Variants in CDA observed in about 807,000 individuals in gnomAD.
CDA encodes cytidine deaminase.
In CDA, 7 loss-of-function variants were observed where a neutral mutation model predicts 15.0. That is an observed-to-expected ratio of 0.47 (90% CI 0.26 to 0.87). CDA has a LOEUF of 0.87. Ranked by LOEUF, CDA falls within the 40% of genes least tolerant of loss-of-function variation. The pLI, the probability that CDA is intolerant of heterozygous loss-of-function variation, is 0.15. For synonymous variants in CDA, 58 were observed against 73.0 expected (o/e 0.79, Z 1.05); for missense variants, 159 against 182.7 (o/e 0.87, Z 0.75).
In CDA at chr1:20,599,617, CAAAATAAAAT is replaced by C. The variant is rs57315099; in HGVS notation, c.155-5286_155-5277del. Reference sequence around the variant, plus strand: ...GGGCGACAGAGCAAGACTCCGTCTCCAAAATAAAATAAAATAAAATAAAATAAAATAAAAC... The same window carrying C: ...GGGCGACAGAGCAAGACTCCGTCTCCAAAATAAAATAAAATAAAATAAAAC... On this transcript the variant is annotated intron_variant, in intron 1 of 3. Transcript: ENST00000375071. Among the ~76,000 whole-genome samples the C allele has an allele frequency of 8.3e-5, 9 of 108,034 alleles. 1 individual carries two copies. The highest frequency in any genetic ancestry group is 5.7e-4 in the South Asian group (2 of 3,480). The allele number at this position is 108,034 out of a possible 152,430, so 70.9% of individuals were successfully genotyped here.
chr1:20,599,657 T>TAAAATAAAATAAAATAAAATAAAAC (rs1557547148), intron 1 of CDA, among the ~76,000 whole-genome samples: 3 of 147,988 alleles, frequency 2.0e-5, no homozygotes, highest in Admixed American at 1.3e-4. Context: ...TAAAACAAAA[T>TAAAATAAAATAAAATAAAATAAAAC]AAAATAAAAT....
chr1:20,589,858 G>A (rs770228333), intron 1 of CDA, among the ~76,000 whole-genome samples: 10 of 152,186 alleles, frequency 6.6e-5, no homozygotes, highest in African/African-American at 1.9e-4. Flanking sequence ...GGGGGTGGTC[G>A]GTGGAGAATC....
intron 1 of CDA, among the ~76,000 whole-genome samples, chr1:20,593,640 G>A (rs1048193688): frequency 5.3e-5 from 8 of 152,200 alleles, no homozygotes; most frequent in Admixed American, 5.2e-4. Flanking sequence ...AGTGGCGCGA[G>A]CCTAGTTCAC....
chr1:20,590,800 A>G (rs2052540796), intron 1 of CDA, among the ~76,000 whole-genome samples: 1 of 152,158 alleles, frequency 6.6e-6, no homozygotes, highest in African/African-American at 2.4e-5. Context: ...TGGATGAATG[A>G]ATGAGATGAG....
At chr1:20,614,542 A>G (rs2052785013) in intron 3 of CDA, among the ~76,000 whole-genome samples, 1 of 152,262 alleles carries the variant, frequency 6.6e-6, no homozygotes, top group Non-Finnish European at 1.5e-5. Context: ...GGTCCTTGAC[A>G]GAAAAAGGTT....
At chr1:20,606,244 A>G (rs1240623262) in intron 2 of CDA, among the ~76,000 whole-genome samples, 1 of 147,740 alleles carries the variant, frequency 6.8e-6, no homozygotes, top group Non-Finnish European at 1.5e-5. Flanking sequence ...CTGAGGCAGG[A>G]ACATGGCGTG....
At chr1:20,608,324 C>T (rs2052713098) in intron 2 of CDA, among the ~76,000 whole-genome samples, 1 of 150,382 alleles carries the variant, frequency 6.6e-6, no homozygotes, top group Non-Finnish European at 1.5e-5. Flanking sequence ...TGGTCTGTTA[C>T]AGGGTCTTAA....
Position 20,589,113 on chromosome 1 carries a change from C to T in CDA, c.-17C>T. ...CTCCTGTTTCCCGCTGCTCTGCTGC[C>T]TGCCCGGGGTACCAACATGGCCCAG... On this transcript the variant is annotated 5_prime_UTR_variant, in exon 1 of 4. Transcript: ENST00000375071. The T allele has an allele frequency of 6.2e-7, 1 of 1,613,974 alleles. No individual in the cohort carries two copies. The highest frequency in any genetic ancestry group is 8.5e-7 in the Non-Finnish European group (1 of 1,180,006).
At chr1:20,613,762 G>C (rs1570387154) in intron 2 of CDA, 80 bp from the exon 3 acceptor site, 1 of 1,332,162 alleles carries the variant, frequency 7.5e-7, no homozygotes, top group Non-Finnish European at 1.1e-6. Flanking sequence ...GGAACAGACC[G>C]AGTCTCAGGG....
In CDA at chr1:20,612,996, G is replaced by A. The variant is rs559452566; in HGVS notation, c.267-846G>A. On this transcript the variant is annotated intron_variant, in intron 2 of 3. Coordinates refer to ENST00000375071, the MANE Select transcript of CDA (RefSeq NM_001785.3). ...GTGGACTCTCTTTACACAGACGTGCGTGACACCAGGCTGCTCTGAGAATTC... is the reference window on the plus strand; with the variant it reads ...GTGGACTCTCTTTACACAGACGTGCATGACACCAGGCTGCTCTGAGAATTC... 1.0e-4 allele frequency among the ~76,000 whole-genome samples: 15 copies of A among 150,360 alleles called. No homozygotes were observed. The East Asian group carries it at 2.0e-3, about 20-fold the overall frequency.
At chr1:20,590,587 C>T (rs2052538783) in intron 1 of CDA, among the ~76,000 whole-genome samples, 1 of 152,180 alleles carries the variant, frequency 6.6e-6, no homozygotes, top group Non-Finnish European at 1.5e-5. Flanking sequence ...CCTACAATCC[C>T]CCGGCACCCA....
At chr1:20,617,696 T>A (rs1404193705) in intron 3 of CDA, among the ~76,000 whole-genome samples, 2 of 113,712 alleles carry the variant, frequency 1.8e-5, no homozygotes, top group East Asian at 4.7e-4. Flanking sequence ...TATTTTATTT[T>A]ATTTTTTTTT....
chr1:20,603,773 G>A (rs971483561), intron 1 of CDA, among the ~76,000 whole-genome samples: 2 of 152,194 alleles, frequency 1.3e-5, no homozygotes, highest in Non-Finnish European at 2.9e-5. Context: ...TGCTGGTCAG[G>A]GGAAAACCCA....
intron 1 of CDA, among the ~76,000 whole-genome samples, chr1:20,591,717 G>A (rs1234338924): frequency 6.6e-6 from 1 of 152,190 alleles, no homozygotes. Context: ...TTTAGAGAGT[G>A]AAATGGAGGC....
At chr1:20,618,327 T>C (rs1383193874) in intron 3 of CDA, 125 bp from the exon 4 acceptor site, 7 of 700,672 alleles carry the variant, frequency 1.0e-5, no homozygotes, top group Non-Finnish European at 1.3e-5. Flanking sequence ...ATTCCCCTTT[T>C]ACAGATGAGA....
chr1:20,616,912 A>T (rs1000466426), intron 3 of CDA, among the ~76,000 whole-genome samples: 1 of 152,220 alleles, frequency 6.6e-6, no homozygotes, highest in South Asian at 2.1e-4. Context: ...GAAGTGTGGA[A>T]GAACAGGAGG....
chr1:20,598,604 C>T (rs181115050), intron 1 of CDA, among the ~76,000 whole-genome samples: 91 of 152,340 alleles, frequency 6.0e-4, no homozygotes, highest in Non-Finnish European at 1.1e-3. Context: ...CAGTTCTTGG[C>T]GAGGGCCCTC....
chr1:20,601,004 A>T (rs2052639088), intron 1 of CDA, among the ~76,000 whole-genome samples: 1 of 152,186 alleles, frequency 6.6e-6, no homozygotes, highest in Admixed American at 6.5e-5. Context: ...CAACTGTATT[A>T]ACTGATCTCT....
At chr1:20,612,649 G>T (rs1384749248) in intron 2 of CDA, among the ~76,000 whole-genome samples, 2 of 152,110 alleles carry the variant, frequency 1.3e-5, no homozygotes, top group African/African-American at 2.4e-5. Context: ...TGACTAAAAA[G>T]CTTTATTACT....
Sources: gnomAD v4.1 joint callset for allele counts (sites outside exome capture counted in the v4.1 genomes callset) on GRCh38, gnomAD v4.1.1 for gene constraint, MANE v1.5 for transcripts, NCBI Gene and HGNC (gene_info 2026-07-23, HGNC 2026-07-21) for gene names.